The following IGSF10 variants were observed in gnomAD, a reference collection of about 807,000 sequenced individuals.
IGSF10 encodes the protein immunoglobulin superfamily member 10.
A neutral mutation model predicts 128.2 loss-of-function variants in IGSF10; 126 were observed. The observed-to-expected ratio is 0.98, with a 90% confidence interval of 0.85 to 1.14. IGSF10 has a LOEUF of 1.14. Ranked by LOEUF, IGSF10 falls within the 50% of genes most tolerant of loss-of-function variation. The pLI is 0.00. For synonymous variants in IGSF10, 1,185 were observed against 1,146.2 expected, an observed-to-expected ratio of 1.03 and a Z score of -0.68; for missense variants, 3,295 against 3,149.8, an observed-to-expected ratio of 1.05 and a Z score of -1.10.
the IGSF10 span, among the ~76,000 whole-genome samples, chr3:151,568,650 G>C: frequency 6.6e-6 from 1 of 152,140 alleles, no homozygotes; most frequent in Non-Finnish European, 1.5e-5. Flanking sequence ...ACATCATGGT[G>C]GGGGAGGATT....
At chr3:151,538,582 A>T in the IGSF10 span, among the ~76,000 whole-genome samples, 2 of 152,192 alleles carry the variant, frequency 1.3e-5, no homozygotes, top group African/African-American at 4.8e-5. Flanking sequence ...TAGTTCCAAT[A>T]TTTAAACAAA....
intron 7 of IGSF10, 112 bp downstream of exon 7, chr3:151,442,872 C>A: frequency 5.9e-6 from 5 of 852,616 alleles, no homozygotes; most frequent in Non-Finnish European, 8.8e-6. Context: ...TGTCCAAAGT[C>A]TATGTGTACT....
At chr3:151,439,276 A>G (rs778908333) in intron 7 of IGSF10, among the ~76,000 whole-genome samples, 2 of 152,234 alleles carry the variant, frequency 1.3e-5, no homozygotes, top group Non-Finnish European at 2.9e-5. Context: ...TACTTTCTAA[A>G]CAGTTATTAG....
chr3:151,442,402 CAA>C (rs1187832205), intron 7 of IGSF10, among the ~76,000 whole-genome samples: 4 of 48,850 alleles, frequency 8.2e-5, no homozygotes, highest in Admixed American at 4.3e-4. Context: ...TTTTTTGAGA[CAA>C]AGTCTCACTC....
chr3:151,574,096 T>C, the IGSF10 span, among the ~76,000 whole-genome samples: 3 of 152,264 alleles, frequency 2.0e-5, no homozygotes, highest in Non-Finnish European at 2.9e-5. Context: ...GCTTTTAGTC[T>C]GATGGGCTTC....
At chr3:151,481,137 C>T in the IGSF10 span, among the ~76,000 whole-genome samples, 9 of 152,172 alleles carry the variant, frequency 5.9e-5, no homozygotes, top group Admixed American at 1.3e-4. Context: ...TGCTGACTCA[C>T]GTAGCTGCAC....
chr3:151,450,090 G>T (rs1353600552), intron 5 of IGSF10, among the ~76,000 whole-genome samples: 1 of 152,206 alleles, frequency 6.6e-6, no homozygotes, highest in Non-Finnish European at 1.5e-5. Flanking sequence ...GAAGTCAGAG[G>T]TTGCAAGTCT....
the IGSF10 span, among the ~76,000 whole-genome samples, chr3:151,473,530 A>C: frequency 6.6e-6 from 1 of 152,206 alleles, no homozygotes; most frequent in African/African-American, 2.4e-5. Context: ...CTATGTTGGT[A>C]CAAGTAATTG....
In IGSF10 at chr3:151,448,138, G is replaced by A. The variant is rs146689901; in HGVS notation, c.1843C>T (p.Leu615Phe). 1 of 1,614,142 alleles carries A rather than the reference G, an allele frequency of 6.2e-7. No homozygotes were observed. ...TTCTTGTCTCTTGATGACTGATAGA[G>A]CACATTGTTTCCTGGAATAACCCAG... ...ISWVIPGNNV[L>F]YQSSRDKKVL... The change falls in exon 6 of 8, where the codon CTC becomes TTC. Residue 615 changes from leucine to phenylalanine, a missense_variant. Transcript: ENST00000282466.
Position 151,436,664 on chromosome 3 carries a change from A to G in IGSF10, c.*25T>C. On this transcript the variant is annotated 3_prime_UTR_variant, in exon 8 of 8. Transcript: ENST00000282466. ...CTTCCAAAAAATAAATTCTGCCCAG[A>G]TGTTGTTGACTTTATTATTTCATGT... 6.7e-7 allele frequency: 1 copy of G among 1,499,652 alleles called. No individual in the cohort carries two copies. Among genetic ancestry groups the G allele is most frequent in the Non-Finnish European group, 9.1e-7 (1 of 1,104,518 alleles). The allele number at this position is 1,499,652 out of a possible 1,614,324, so 92.9% of individuals were successfully genotyped here.
chr3:151,490,024 T>C, the IGSF10 span, among the ~76,000 whole-genome samples: 1 of 151,888 alleles, frequency 6.6e-6, no homozygotes, highest in African/African-American at 2.4e-5. Context: ...ACAAACAAAA[T>C]GGCAGTAATA....
the IGSF10 span, among the ~76,000 whole-genome samples, chr3:151,467,881 C>CAA: frequency 2.1e-4 from 24 of 113,338 alleles, no homozygotes; most frequent in East Asian, 9.4e-4. Context: ...GACTCCATCT[C>CAA]AAAAAAAAAA....
intron 3 of IGSF10, 30 bp downstream of exon 3, chr3:151,458,486 T>C: frequency 1.9e-6 from 3 of 1,542,236 alleles, no homozygotes; most frequent in Non-Finnish European, 2.7e-6. Context: ...GATCCCTCTT[T>C]GAGAAGAGGA....
chr3:151,574,476 A>G, the IGSF10 span, among the ~76,000 whole-genome samples: 1 of 152,120 alleles, frequency 6.6e-6, no homozygotes, highest in Non-Finnish European at 1.5e-5. Context: ...TTGATCTTCA[A>G]TCACTGACAC....
chr3:151,520,248 T>G, the IGSF10 span, among the ~76,000 whole-genome samples: 1 of 151,834 alleles, frequency 6.6e-6, no homozygotes, highest in Non-Finnish European at 1.5e-5. Context: ...TATTAAATGT[T>G]TTATAGAATA....
At chr3:151,456,805 A>G (rs1429047867) in intron 4 of IGSF10, among the ~76,000 whole-genome samples, 2 of 152,054 alleles carry the variant, frequency 1.3e-5, no homozygotes, top group African/African-American at 4.8e-5. Flanking sequence ...TTTTTTTTCT[A>G]TTAGCTTGAG....
At chr3:151,470,102 C>A in the IGSF10 span, among the ~76,000 whole-genome samples, 1 of 152,120 alleles carries the variant, frequency 6.6e-6, no homozygotes, top group East Asian at 1.9e-4. Context: ...TTACCAAAGC[C>A]CTTTCTATTT....
At chr3:151,525,030 T>TAAAAGA in the IGSF10 span, among the ~76,000 whole-genome samples, 1 of 48,082 alleles carries the variant, frequency 2.1e-5, no homozygotes, top group Non-Finnish European at 3.5e-5. Context: ...TTTTTTTTTT[T>TAAAAGA]TTTTTTTTTT....
the IGSF10 span, among the ~76,000 whole-genome samples, chr3:151,487,767 CA>C: frequency 6.6e-6 from 1 of 151,910 alleles, no homozygotes; most frequent in African/African-American, 2.4e-5. Context: ...AGTCCTTGGA[CA>C]AAATTCTACA....
Sources: allele counts gnomAD v4.1 joint callset (sites outside exome capture counted in the v4.1 genomes callset), GRCh38; gene constraint gnomAD v4.1.1; transcripts MANE v1.5; gene names NCBI Gene and HGNC (gene_info 2026-07-23, HGNC 2026-07-21).